The following YTHDF3 variants were observed in gnomAD, a reference collection of about 807,000 sequenced individuals.
The protein encoded by YTHDF3 is YTH N6-methyladenosine RNA binding protein F3.
YTHDF3 carries 9 observed loss-of-function variants against 52.5 expected under a neutral mutation model. The ratio of observed to expected loss-of-function variants is 0.17; its 90% CI spans 0.10 to 0.30. YTHDF3 has a LOEUF of 0.30. YTHDF3 is among the 10% of genes least tolerant of loss of function. The probability of loss-of-function intolerance (pLI) is 1.00; values close to 1 mark genes in which losing one functional copy is unlikely to be tolerated. For missense variants in YTHDF3, 534 were observed against 715.0 expected, an observed-to-expected ratio of 0.75 and a Z score of 2.89; for synonymous variants, 274 against 243.3, an observed-to-expected ratio of 1.13 and a Z score of -1.18.
intron 2 of YTHDF3, chr8:63,173,731 C>T (rs1157332506): frequency 2.1e-6 from 2 of 972,340 alleles, no homozygotes; most frequent in Non-Finnish European, 2.4e-6. Context: ...CTTATAATGG[C>T]ACTAGAAGTA....
Position 63,212,778 on chromosome 8 carries a change from G to A in YTHDF3, c.*3072G>A, listed in dbSNP as rs1305639360. 6.6e-6 allele frequency: 1 copy of A among 152,554 alleles called. No homozygotes were observed. Among genetic ancestry groups the A allele is most frequent in the African/African-American group, 2.4e-5 (1 of 41,420 alleles). The allele number at this position is 152,554 out of a possible 1,614,324, so 9.5% of individuals were successfully genotyped here. A position where few individuals can be genotyped will look rare whatever the true frequency, so the allele number is the denominator to read the frequency against. Reference sequence around the variant, plus strand: ...ATCTTTGAGGGTTTCAATAAAAATTGTTCACTCATATCTGTGTTCTTTCCA... The same window carrying A: ...ATCTTTGAGGGTTTCAATAAAAATTATTCACTCATATCTGTGTTCTTTCCA... On this transcript the variant is annotated 3_prime_UTR_variant, in exon 5 of 5. Transcript: ENST00000539294.
chr8:63,177,759 ATT>A (rs748461151), intron 3 of YTHDF3, among the ~76,000 whole-genome samples: 14 of 140,348 alleles, frequency 1.0e-4, no homozygotes, highest in South Asian at 2.3e-4. Context: ...TCAAACTCTT[ATT>A]TTTTTTTTTT....
At chr8:63,177,979 AACTCC>A (rs1200206322) in intron 3 of YTHDF3, among the ~76,000 whole-genome samples, 1 of 152,074 alleles carries the variant, frequency 6.6e-6, no homozygotes, top group African/African-American at 2.4e-5. Flanking sequence ...GCTGGTCTTG[AACTCC>A]TGACGTCAAG....
chr8:63,183,373 C>G (rs1300493456), intron 3 of YTHDF3, among the ~76,000 whole-genome samples: 1 of 151,992 alleles, frequency 6.6e-6, no homozygotes, highest in Non-Finnish European at 1.5e-5. Flanking sequence ...CAGTATGAAG[C>G]ACTATGAGTA....
At chr8:63,169,731 A>G (rs930686531) in intron 2 of YTHDF3, among the ~76,000 whole-genome samples, 3 of 152,214 alleles carry the variant, frequency 2.0e-5, no homozygotes, top group South Asian at 2.1e-4. Context: ...AAATTTCTAC[A>G]TGTGTATATA....
chr8:63,184,243 T>C (rs913452400), intron 3 of YTHDF3, among the ~76,000 whole-genome samples: 1 of 152,222 alleles, frequency 6.6e-6, no homozygotes, highest in African/African-American at 2.4e-5. Context: ...CTGTAAAATA[T>C]ACTTTTAACA....
intron 2 of YTHDF3, among the ~76,000 whole-genome samples, chr8:63,170,619 G>A (rs1807260045): frequency 1.3e-5 from 2 of 152,050 alleles, no homozygotes; most frequent in African/African-American, 4.8e-5. Context: ...TTAAAAATTT[G>A]TGAATTTTAA....
intron 1 of YTHDF3, chr8:63,169,168 G>A: frequency 1.4e-6 from 2 of 1,405,516 alleles, no homozygotes; most frequent in South Asian, 1.5e-5. Context: ...GACATGGGGC[G>A]GAGACCGGGC....
At chr8:63,176,403 C>T (rs1211087613) in intron 3 of YTHDF3, among the ~76,000 whole-genome samples, 12 of 151,876 alleles carry the variant, frequency 7.9e-5, no homozygotes, top group Admixed American at 6.5e-4. Flanking sequence ...TGCCTCAGCC[C>T]GGAGTAGCTG....
chr8:63,188,779 T>G (rs761700087), intron 4 of YTHDF3: 2 of 135,750 alleles, frequency 1.5e-5, no homozygotes, highest in South Asian at 5.3e-4. Context: ...AATGGAGTGG[T>G]CTTGGCTCAC....
intron 1 of YTHDF3, 110 bp downstream of exon 1, chr8:63,169,011 GC>G: frequency 6.8e-7 from 1 of 1,477,416 alleles, no homozygotes; most frequent in Non-Finnish European, 8.9e-7. Context: ...CCATAACGGT[GC>G]CCCGGGCGCA....
At chr8:63,195,349 A>G (rs1809166069) in intron 4 of YTHDF3, among the ~76,000 whole-genome samples, 1 of 152,242 alleles carries the variant, frequency 6.6e-6, no homozygotes, top group South Asian at 2.1e-4. Flanking sequence ...TTGTGTTGTT[A>G]GGAAGGATTC....
intron 3 of YTHDF3, among the ~76,000 whole-genome samples, chr8:63,181,953 TAGG>T (rs562222559): frequency 8.5e-5 from 13 of 152,224 alleles, no homozygotes; most frequent in South Asian, 2.1e-4. Flanking sequence ...AAAATTATAA[TAGG>T]AGAAAGTACA....
chr8:63,169,352 C>T (rs752814057), intron 1 of YTHDF3, 35 bp from the exon 2 acceptor site: 12 of 1,590,072 alleles, frequency 7.5e-6, no homozygotes, highest in Non-Finnish European at 1.0e-5. Flanking sequence ...CTTCCTTTTT[C>T]TCCTCTTTAC....
At chr8:63,195,731 CGTGTGTGTGT>C (rs61277098) in intron 4 of YTHDF3, among the ~76,000 whole-genome samples, 76 of 145,360 alleles carry the variant, frequency 5.2e-4, no homozygotes, top group African/African-American at 1.6e-3. Context: ...CATGTATTTA[CGTGTGTGTGT>C]GTGTGTGTGT....
chr8:63,195,209 A>T (rs1221141210), intron 4 of YTHDF3, among the ~76,000 whole-genome samples: 1 of 152,216 alleles, frequency 6.6e-6, no homozygotes, highest in South Asian at 2.1e-4. Context: ...TATTTGTATT[A>T]TATTTGAAAA....
intron 4 of YTHDF3, among the ~76,000 whole-genome samples, chr8:63,189,728 C>A (rs1246611572): frequency 6.6e-6 from 1 of 152,114 alleles, no homozygotes; most frequent in East Asian, 1.9e-4. Context: ...TTCTCGAGAC[C>A]CATCCCTTGG....
At chr8:63,206,681 CTAA>C (rs1174583620) in intron 4 of YTHDF3, among the ~76,000 whole-genome samples, 3 of 152,022 alleles carry the variant, frequency 2.0e-5, no homozygotes, top group Non-Finnish European at 4.4e-5. Flanking sequence ...ACTAATAATA[CTAA>C]TAAGTGTTCG....
intron 3 of YTHDF3, 33 bp downstream of exon 3, chr8:63,175,449 A>G: frequency 1.3e-6 from 2 of 1,527,696 alleles, no homozygotes; most frequent in Non-Finnish European, 1.8e-6. Context: ...ATTTTAGGAA[A>G]TTAACCTTTT....
Sources: allele counts gnomAD v4.1 joint callset (sites outside exome capture counted in the v4.1 genomes callset), GRCh38; gene constraint gnomAD v4.1.1; transcripts MANE v1.5; gene names NCBI Gene and HGNC (gene_info 2026-07-23, HGNC 2026-07-21).